CD300E: variants seen among roughly 807,000 people sequenced by gnomAD.
The protein encoded by CD300E is CMRF35-like molecule 2.
In CD300E, 14 loss-of-function variants were observed where a neutral mutation model predicts 20.9. That is an observed-to-expected ratio of 0.67 (90% CI 0.44 to 1.05). The LOEUF (loss-of-function observed/expected upper bound fraction) is 1.05. CD300E is among the 50% of genes least tolerant of loss of function. The pLI, the probability that CD300E is intolerant of heterozygous loss-of-function variation, is 0.00. For synonymous variants in CD300E, 102 were observed against 103.7 expected, an observed-to-expected ratio of 0.98 and a Z score of 0.10; for missense variants, 237 against 253.9, an observed-to-expected ratio of 0.93 and a Z score of 0.45.
chr17:74,620,965 C>T (rs1466087447), intron 1 of CD300E, among the ~76,000 whole-genome samples: 4 of 151,958 alleles, frequency 2.6e-5, no homozygotes, highest in Admixed American at 6.6e-5. Context: ...ATTGCTTGAA[C>T]CTGATTGGCG....
intron 2 of CD300E, among the ~76,000 whole-genome samples, chr17:74,616,099 A>G (rs2030893407): frequency 6.6e-6 from 1 of 152,118 alleles, no homozygotes; most frequent in Admixed American, 6.5e-5. Context: ...AAGAAAAAAG[A>G]AAATGTGATC....
At position 74,617,442 on chromosome 17, in the gene CD300E, C is replaced by T. The variant is rs377345380; in HGVS notation, c.64G>A (p.Gly22Ser). 9.3e-6 allele frequency: 15 copies of T among 1,613,278 alleles called. No homozygotes were observed. Among genetic ancestry groups the T allele is most frequent in the Middle Eastern group, 1.6e-4 (1 of 6,082 alleles). Residue 22 changes from glycine to serine, a missense_variant, in exon 2 of 4, where the codon GGC (glycine) becomes AGC (serine). Gly to Ser is a moderately conservative substitution (Grantham distance 56). Coordinates refer to ENST00000392619, the MANE Select transcript of CD300E (RefSeq NM_181449.3). ...TCCCCCGCAGTGCCAGTCACAGAGC[C>T]GGGGCCCTTCAGAGACAAACAGCCT... is the stretch of plus-strand genomic sequence containing the variant. ...LSGCLSLKGP[G>S]SVTGTAGDSL...
chr17:74,617,688 A>G (rs868179689), intron 1 of CD300E, among the ~76,000 whole-genome samples: 12 of 152,300 alleles, frequency 7.9e-5, no homozygotes, highest in Middle Eastern at 3.4e-3. Flanking sequence ...CAGGGGCCCC[A>G]GCACCTGGAG....
Position 74,614,428 on chromosome 17 carries a change from C to G in CD300E, c.389-395G>C, listed in dbSNP as rs563719578. On this transcript the variant is annotated intron_variant, in intron 2 of 3. Transcript: ENST00000392619. ...GCTCAGCCTGTGGCCCAAGAAGCCT[C>G]GTAGAGACCATGAGAGGGGGCTCTG... is the stretch of plus-strand genomic sequence containing the variant. Among the ~76,000 whole-genome samples the G allele has an allele frequency of 4.6e-5, 7 of 150,568 alleles. No individual in the cohort carries two copies. In the East Asian group the frequency reaches 1.2e-3, roughly 25 times the overall value.
chr17:74,623,626 C>T lies in CD300E; in HGVS notation c.-5G>A. On this transcript the variant is annotated 5_prime_UTR_variant, in exon 1 of 4. Coordinates refer to ENST00000392619, the MANE Select transcript of CD300E (RefSeq NM_181449.3). The stretch of plus-strand genomic sequence containing the variant: ...TAGAGCTGGGAGCAGCCACATGTTC[C>T]TGTCTCCTTGGCTTCCGTCCTCAGC... 1.6e-5 allele frequency: 26 copies of T among 1,614,188 alleles called. No homozygotes were observed. Among genetic ancestry groups the T allele is most frequent in the Non-Finnish European group, 2.2e-5 (26 of 1,180,022 alleles).
At position 74,621,664 on chromosome 17, in the gene CD300E, G is replaced by A. The variant is rs527448877; in HGVS notation, c.40+1918C>T. ...GTTCAGAATGGAAATACCAGATGAT[G>A]TGGCAGAGAGGTCAGCTATTTTGTC... is the stretch of plus-strand genomic sequence containing the variant. On this transcript the variant is annotated intron_variant, in intron 1 of 3. Coordinates refer to ENST00000392619, the MANE Select transcript of CD300E (RefSeq NM_181449.3). Among the ~76,000 whole-genome samples, 48 of 152,338 alleles carry A rather than the reference G, an allele frequency of 3.2e-4. 1 individual carries two copies. The highest frequency in any genetic ancestry group is 5.9e-4 in the Non-Finnish European group (40 of 68,028).
Position 74,612,432 on chromosome 17 carries a change from G to T in CD300E, c.*221C>A, listed in dbSNP as rs1172706740. ...TTGCCCTTGGGAAGTGGGCATGAGG[G>T]CAGGGAGGCAGGGGACTGGGGAGGA... is the stretch of plus-strand genomic sequence containing the variant. On this transcript the variant is annotated 3_prime_UTR_variant, in exon 4 of 4. Transcript: ENST00000392619. 3 of 435,296 alleles carry T rather than the reference G, an allele frequency of 6.9e-6. No individual in the cohort carries two copies. The highest frequency in any genetic ancestry group is 8.1e-6 in the Non-Finnish European group (2 of 247,796). The allele number at this position is 435,296 out of a possible 1,614,324, so 27.0% of individuals were successfully genotyped here.
chr17:74,612,903 C>T, intron 3 of CD300E, 130 bp from the exon 4 acceptor site: 2 of 1,264,206 alleles, frequency 1.6e-6, no homozygotes, highest in Admixed American at 2.4e-5. Flanking sequence ...AGGACCTATG[C>T]CAGGGCAGCC....
intron 1 of CD300E, among the ~76,000 whole-genome samples, 165 bp downstream of exon 1, chr17:74,623,417 C>T (rs556905124): frequency 1.3e-5 from 2 of 152,280 alleles, no homozygotes; most frequent in Non-Finnish European, 2.9e-5. Context: ...TTGTAGGATC[C>T]GTGGATGAAT....
chr17:74,619,777 G>A (rs546384177), intron 1 of CD300E, among the ~76,000 whole-genome samples: 1 of 152,272 alleles, frequency 6.6e-6, no homozygotes, highest in East Asian at 1.9e-4. Context: ...CTCCAGGTTT[G>A]GGGGGTCTTT....
intron 1 of CD300E, among the ~76,000 whole-genome samples, chr17:74,619,715 T>C (rs1050453354): frequency 1.3e-5 from 2 of 152,188 alleles, no homozygotes; most frequent in Non-Finnish European, 2.9e-5. Flanking sequence ...CACTTACTTT[T>C]AGCTCCCTCT....
rs752913255 is a variant in CD300E at position 74,623,616 on chromosome 17, C to G, written c.6G>C (p.Trp2Cys). Reference sequence around the variant, plus strand: ...AGAGAAGGAGTAGAGCTGGGAGCAGCCACATGTTCCTGTCTCCTTGGCTTC... The same window carrying G: ...AGAGAAGGAGTAGAGCTGGGAGCAGGCACATGTTCCTGTCTCCTTGGCTTC... The part of the protein sequence containing the change: M[W>C]LLPALLLLCL... Residue 2 changes from tryptophan to cysteine, a missense_variant, in exon 1 of 4, where the codon TGG becomes TGC. Transcript: ENST00000392619. 1.7e-5 allele frequency: 27 copies of G among 1,614,062 alleles called. No homozygotes were observed. In the South Asian group the frequency reaches 2.5e-4, roughly 15 times the overall value.
At chr17:74,613,274 G>A (rs1364414470) in intron 3 of CD300E, among the ~76,000 whole-genome samples, 1 of 152,102 alleles carries the variant, frequency 6.6e-6, no homozygotes, top group East Asian at 1.9e-4. Flanking sequence ...GGCTAATTTT[G>A]TATTTCGTAG....
At chr17:74,615,775 A>T (rs990561405) in intron 2 of CD300E, among the ~76,000 whole-genome samples, 11 of 152,160 alleles carry the variant, frequency 7.2e-5, no homozygotes, top group Non-Finnish European at 8.8e-5. Flanking sequence ...TATGGGAGTT[A>T]TGAGTGCTGC....
rs143689388 is a variant in CD300E at position 74,612,201 on chromosome 17, TTC to T, written c.*450_*451del. ...TTTTTCCCTCCCTTCCTCCGTCCTT[TTC>T]TCTCTCTCTCTCTCTCTCTCGCTCT... On this transcript the variant is annotated 3_prime_UTR_variant, in exon 4 of 4. Transcript: ENST00000392619. The T allele has an allele frequency of 9.1e-4, 129 of 141,558 alleles. No homozygotes were observed. Among genetic ancestry groups the T allele is most frequent in the Non-Finnish European group, 1.2e-3 (76 of 65,712 alleles). 8.8% of individuals were successfully genotyped at this position (141,558 alleles called of 1,614,324 possible). A position where few individuals can be genotyped will look rare whatever the true frequency, so the allele number is the denominator to read the frequency against.
intron 1 of CD300E, among the ~76,000 whole-genome samples, chr17:74,619,931 A>G (rs2030984945): frequency 6.6e-6 from 1 of 152,238 alleles, no homozygotes; most frequent in African/African-American, 2.4e-5. Flanking sequence ...TCACCCTAGA[A>G]AAGAAAGGGC....
At chr17:74,613,873 G>A (rs2030838775) in intron 3 of CD300E, 52 bp downstream of exon 3, 1 of 1,267,936 alleles carries the variant, frequency 7.9e-7, no homozygotes, top group Admixed American at 1.9e-5. Context: ...CCACCCCCCA[G>A]CTTCCACCCC....
intron 3 of CD300E, 115 bp from the exon 4 acceptor site, chr17:74,612,888 G>A: frequency 1.4e-6 from 2 of 1,432,516 alleles, no homozygotes; most frequent in South Asian, 1.3e-5. Context: ...GGAGCAGCCA[G>A]GGAAAGGACC....
intron 1 of CD300E, among the ~76,000 whole-genome samples, chr17:74,623,155 C>T (rs1234701844): frequency 1.3e-5 from 2 of 152,214 alleles, no homozygotes; most frequent in Admixed American, 1.3e-4. Flanking sequence ...TGCACATAAG[C>T]TATTCCTTTC....
Sources: gnomAD v4.1 joint callset for allele counts (sites outside exome capture counted in the v4.1 genomes callset) on GRCh38, gnomAD v4.1.1 for gene constraint, MANE v1.5 for transcripts, NCBI Gene and HGNC (gene_info 2026-07-23, HGNC 2026-07-21) for gene names.